The following MAN1C1 variants were observed in gnomAD, a reference collection of about 807,000 sequenced individuals.
MAN1C1 encodes the protein mannosyl-oligosaccharide 1,2-alpha-mannosidase IC.
In MAN1C1, 49 loss-of-function variants were observed where a neutral mutation model predicts 71.5. The ratio of observed to expected loss-of-function variants is 0.69; its 90% CI spans 0.54 to 0.87. The LOEUF (loss-of-function observed/expected upper bound fraction) is 0.87. MAN1C1 is among the 40% of genes least tolerant of loss of function. The probability of loss-of-function intolerance (pLI) is 0.00; values close to 1 mark genes in which losing one functional copy is unlikely to be tolerated. For synonymous variants in MAN1C1, 352 were observed against 343.7 expected (o/e 1.02, Z -0.27); for missense variants, 743 against 835.0 (o/e 0.89, Z 1.36).
rs2047708906 is a variant in MAN1C1, at chr1:25,782,512, C to A, written c.1651-73C>A. 4 of 970,442 alleles carry A rather than the reference C, an allele frequency of 4.1e-6. No homozygotes were observed. The highest frequency in any genetic ancestry group is 4.1e-5 in the South Asian group (3 of 73,972). The allele number at this position is 970,442 out of a possible 1,614,324, so 60.1% of individuals were successfully genotyped here. A position where few individuals can be genotyped will look rare whatever the true frequency, so the allele number is the denominator to read the frequency against. The stretch of plus-strand genomic sequence containing the variant: ...TTTCTTCTAGCTCCAGCCTGCCAGG[C>A]ATGCACAAGTCTTGAGGGGCCTTTC... On this transcript the variant is annotated intron_variant, in intron 10 of 11. Coordinates refer to ENST00000374332, the MANE Select transcript of MAN1C1 (RefSeq NM_020379.4). The surrounding 1 kb of genome is among the most constrained non-coding windows in gnomAD (Gnocchi z 4.4).
At chr1:25,714,023 T>A (rs2744761) in intron 2 of MAN1C1, among the ~76,000 whole-genome samples, 1 of 152,238 alleles carries the variant, frequency 6.6e-6, no homozygotes, top group East Asian at 1.9e-4. Flanking sequence ...TGTTGGTGGC[T>A]TTGAAATAGA....
rs1293554624 is a variant in MAN1C1, at chr1:25,618,249, G to T, written c.452G>T (p.Arg151Leu). The T allele has an allele frequency of 6.2e-7, 1 of 1,602,658 alleles. No homozygotes were observed. Residue 151 changes from arginine to leucine, a missense_variant, in exon 1 of 12, where the codon CGT becomes CTT. Transcript: ENST00000374332. ...FRFDFNAFRS[R>L]LRHPVLGTRA... The stretch of plus-strand genomic sequence containing the variant: ...TTTGACTTCAACGCATTCCGGAGCC[G>T]TCTCCGCCACCCGGTCCTGGGAACG...
chr1:25,704,377 C>G (rs1053251026), intron 2 of MAN1C1, among the ~76,000 whole-genome samples: 4 of 152,212 alleles, frequency 2.6e-5, no homozygotes, highest in African/African-American at 9.6e-5. Context: ...GGGCGGCCGA[C>G]AGAACCAAGC....
Position 25,758,670 on chromosome 1 carries a change from C to A in MAN1C1, c.1008C>A (p.His336Gln), listed in dbSNP as rs781353458. 4 of 1,614,054 alleles carry A rather than the reference C, an allele frequency of 2.5e-6. No homozygotes were observed. Among genetic ancestry groups the A allele is most frequent in the South Asian group, 1.1e-5 (1 of 91,090 alleles). Reference protein sequence around the residue: ...EFGSLHLEFLHLTELSGNQVF... With the variant: ...EFGSLHLEFLQLTELSGNQVF... ...GATCCCTGCACTTGGAATTCTTACA[C>A]CTCACTGAACTCTCTGGCAACCAGG... Residue 336 changes from histidine to glutamine, a missense_variant, in exon 6 of 12, where the codon CAC becomes CAA. By Grantham distance (24) the His-to-Gln change is conservative. Coordinates refer to ENST00000374332, the MANE Select transcript of MAN1C1 (RefSeq NM_020379.4).
intron 1 of MAN1C1, among the ~76,000 whole-genome samples, chr1:25,626,772 A>G (rs1399670225): frequency 6.6e-6 from 1 of 152,200 alleles, no homozygotes; most frequent in African/African-American, 2.4e-5. Flanking sequence ...AATGCTTCAT[A>G]TATTCTAGAT....
chr1:25,696,586 C>T (rs2744781), intron 2 of MAN1C1, among the ~76,000 whole-genome samples: 12,394 of 152,178 alleles, frequency 0.081, 708 homozygotes, highest in African/African-American at 0.16. Flanking sequence ...AAGGTTCTCT[C>T]AGGTCCCTCC....
chr1:25,781,154 C>T, intron 10 of MAN1C1, 42 bp downstream of exon 10: 1 of 1,600,182 alleles, frequency 6.2e-7, no homozygotes, highest in East Asian at 2.2e-5. Flanking sequence ...GCTAGATGCC[C>T]CTGAGAATTT....
intron 2 of MAN1C1, among the ~76,000 whole-genome samples, chr1:25,702,963 C>G (rs113658204): frequency 2.0e-5 from 3 of 152,342 alleles, no homozygotes; most frequent in African/African-American, 7.2e-5. Flanking sequence ...ATTTGTGCTG[C>G]TCTTCGCCAG....
intron 2 of MAN1C1, among the ~76,000 whole-genome samples, chr1:25,743,934 G>A (rs2047094202): frequency 1.3e-5 from 2 of 152,338 alleles, no homozygotes; most frequent in Admixed American, 6.5e-5. Context: ...GAATTGAGCG[G>A]CCCTGCAATG....
Position 25,756,038 on chromosome 1 carries a change from TAA to T in MAN1C1, c.929+2462_929+2463del, listed in dbSNP as rs551334764. Among the ~76,000 whole-genome samples the T allele has an allele frequency of 9.4e-4, 143 of 152,246 alleles. 3 individuals carry two copies. The highest frequency in any genetic ancestry group is 3.3e-3 in the African/African-American group (138 of 41,528). ...GTGGCCTCGCCCTCATTCTATGAAA[TAA>T]AGACAATGGTATCTACCTCCGAAGT... On this transcript the variant is annotated intron_variant, in intron 5 of 11. Coordinates refer to ENST00000374332, the MANE Select transcript of MAN1C1 (RefSeq NM_020379.4).
At position 25,617,904 on chromosome 1, in the gene MAN1C1, G is replaced by C; in HGVS notation, c.107G>C (p.Cys36Ser). The C allele has an allele frequency of 6.2e-7, 1 of 1,608,110 alleles. No homozygotes were observed. The highest frequency in any genetic ancestry group is 1.3e-5 in the African/African-American group (1 of 74,374). The change falls in exon 1 of 12, where the codon TGC (cysteine) becomes TCC (serine). Residue 36 changes from cysteine (C) to serine (S), a missense_variant. By Grantham distance (112) the Cys-to-Ser change is moderately radical (BLOSUM62 -1). Transcript: ENST00000374332. The surrounding 1 kb of genome is among the most constrained non-coding windows in gnomAD (Gnocchi z 5.1). ...TTCCTCTCGGGCCTGGTCACCCTGT[G>C]CTTCGGGGCCCTCTTCCTGCTGCCC... is the stretch of plus-strand genomic sequence containing the variant. ...LLFLSGLVTL[C>S]FGALFLLPHS... is the part of the protein sequence containing the mutation.
intron 11 of MAN1C1, 41 bp from the exon 12 acceptor site, chr1:25,783,622 G>A: frequency 6.2e-7 from 1 of 1,602,468 alleles, no homozygotes; most frequent in Non-Finnish European, 8.5e-7. Flanking sequence ...CCAGGCCACT[G>A]ACAGACTGTG....
chr1:25,648,448 T>TGGA (rs958946735), intron 1 of MAN1C1, among the ~76,000 whole-genome samples: 4 of 152,124 alleles, frequency 2.6e-5, no homozygotes, highest in Non-Finnish European at 4.4e-5. Flanking sequence ...GCCAAGAACC[T>TGGA]GGAGGAGGAG....
intron 2 of MAN1C1, among the ~76,000 whole-genome samples, chr1:25,745,335 C>CTT (rs10555591): frequency 6.7e-6 from 1 of 149,262 alleles, no homozygotes; most frequent in African/African-American, 2.5e-5. Context: ...ATTTTCTTTC[C>CTT]TTTTTTTTTT....
chr1:25,670,674 G>C (rs2045981829), intron 1 of MAN1C1, among the ~76,000 whole-genome samples: 1 of 152,204 alleles, frequency 6.6e-6, no homozygotes. Context: ...AGAGCAGCCT[G>C]GTGAGATGGA....
intron 2 of MAN1C1, among the ~76,000 whole-genome samples, chr1:25,692,335 C>A (rs2046319685): frequency 6.6e-6 from 1 of 152,142 alleles, no homozygotes; most frequent in South Asian, 2.1e-4. Context: ...AGAACCCATT[C>A]CTTGCACATA....
chr1:25,763,307 G>A (rs1482099994), intron 6 of MAN1C1, among the ~76,000 whole-genome samples: 3 of 151,942 alleles, frequency 2.0e-5, no homozygotes, highest in Admixed American at 6.6e-5. Context: ...TGGCTGACAT[G>A]GTGAAACCCT....
chr1:25,778,257 G>A lies in MAN1C1; in HGVS notation c.1410G>A (p.Lys470=), dbSNP rs779011110. The A allele has an allele frequency of 6.2e-7, 1 of 1,613,946 alleles. No homozygotes were observed. The highest frequency in any genetic ancestry group is 1.3e-5 in the African/African-American group (1 of 74,928). Residue 470 remains lysine (K), a synonymous_variant, in exon 9 of 12, where the codon AAG becomes AAA. Transcript: ENST00000374332. The surrounding 1 kb of genome is among the most constrained non-coding windows in gnomAD (Gnocchi z 5.5). ...ALGAEDAKEE[K]RAHYRELAAQ... ...GCGCCGAGGATGCCAAGGAAGAAAAGAGGGCCCACTACCGAGAGCTCGCAG... is the reference window on the plus strand; with the variant it reads ...GCGCCGAGGATGCCAAGGAAGAAAAAAGGGCCCACTACCGAGAGCTCGCAG...
intron 2 of MAN1C1, among the ~76,000 whole-genome samples, chr1:25,699,438 G>T (rs2124212556): frequency 6.6e-6 from 1 of 152,290 alleles, no homozygotes; most frequent in East Asian, 1.9e-4. Flanking sequence ...GTTCAGTGTG[G>T]CTGTACTGGG....
Sources: allele counts gnomAD v4.1 joint callset (sites outside exome capture counted in the v4.1 genomes callset), GRCh38; gene constraint gnomAD v4.1.1; non-coding constraint Gnocchi (gnomAD v3.1); transcripts MANE v1.5; gene names NCBI Gene and HGNC (gene_info 2026-07-23, HGNC 2026-07-21).